The following ERCC6 variants were observed in gnomAD, a reference collection of about 807,000 sequenced individuals.
ERCC6 encodes the protein DNA excision repair protein ERCC-6.
In ERCC6, 116 loss-of-function variants were observed where a neutral mutation model predicts 158.7. That is an observed-to-expected ratio of 0.73 (90% confidence interval 0.63 to 0.85). The LOEUF (loss-of-function observed/expected upper bound fraction) is 0.85, where lower values mean the gene tolerates loss of function less well. ERCC6 is among the 40% of genes least tolerant of loss of function. The pLI, the probability that ERCC6 is intolerant of heterozygous loss-of-function variation, is 0.00. For synonymous variants in ERCC6, 678 were observed against 659.3 expected, an observed-to-expected ratio of 1.03 and a Z score of -0.43; for missense variants, 1,698 against 1,799.4, an observed-to-expected ratio of 0.94 and a Z score of 1.02.
Position 49,528,465 on chromosome 10 carries a change from C to A in ERCC6, c.604G>T (p.Ala202Ser), listed in dbSNP as rs1324973327. Residue 202 changes from alanine (A) to serine (S), a missense_variant, in exon 4 of 21, where the codon GCA (alanine) becomes TCA (serine). Physicochemically the swap from Ala to Ser is moderately conservative, Grantham distance 99 (BLOSUM62 1). Coordinates refer to ENST00000355832, the MANE Select transcript of ERCC6 (RefSeq NM_000124.4). ...QKHLQAILGG[A>S]EVKIELDHAS... ...TGATCTAGTTCAATTTTCACCTCTG[C>A]TCCTCCAAGGATGGCCTGGAGATGC... 6.2e-7 allele frequency: 1 copy of A among 1,614,210 alleles called. No homozygotes were observed.
chr10:49,486,520 C>G (rs1022590448), intron 8 of ERCC6, among the ~76,000 whole-genome samples: 2 of 152,132 alleles, frequency 1.3e-5, no homozygotes, highest in Non-Finnish European at 2.9e-5. Context: ...AAACAAACCT[C>G]TGAAAAGTGA....
the ERCC6 span, among the ~76,000 whole-genome samples, chr10:49,443,321 C>T: frequency 4.6e-5 from 7 of 152,134 alleles, no homozygotes; most frequent in South Asian, 4.1e-4. Flanking sequence ...AAAAAGTACA[C>T]GCAAAAAAAC....
rs183460859 is a variant in ERCC6 at position 49,523,939 on chromosome 10, T to C, written c.1397+94A>G. ...TCTGTATAATCGGGGGGGTCTAATA[T>C]ATTAAGCTGGATCTAGAATGCTTAC... On this transcript the variant is annotated intron_variant, in intron 5 of 20. Transcript: ENST00000355832. 4.9e-5 allele frequency: 76 copies of C among 1,561,764 alleles called. No homozygotes were observed. The Admixed American group carries it at 1.1e-3, about 22-fold the overall frequency.
At chr10:49,448,183 T>A in the ERCC6 span, among the ~76,000 whole-genome samples, 1 of 152,228 alleles carries the variant, frequency 6.6e-6, no homozygotes, top group Admixed American at 6.5e-5. Flanking sequence ...CTTATCCATG[T>A]CCTTGTCAAC....
chr10:49,532,762 C>G lies in ERCC6; in HGVS notation c.203G>C (p.Arg68Thr), dbSNP rs1340348389. 1.2e-6 allele frequency: 2 copies of G among 1,614,134 alleles called. No homozygotes were observed. The highest frequency in any genetic ancestry group is 1.7e-6 in the Non-Finnish European group (2 of 1,180,050). ...AVGCASAAPR[R>T]GPALLHIDRH... ...GTCGATGTGCAGCAGGGCTGGCCCTCTCCTCGGAGCTGCTGATGCGCACCC... is the reference window on the plus strand; with the variant it reads ...GTCGATGTGCAGCAGGGCTGGCCCTGTCCTCGGAGCTGCTGATGCGCACCC... Residue 68 changes from arginine (R) to threonine (T), a missense_variant, in exon 2 of 21, where the codon AGA (arginine) becomes ACA (threonine). Coordinates refer to ENST00000355832, the MANE Select transcript of ERCC6 (RefSeq NM_000124.4).
Position 49,469,305 on chromosome 10 carries a change from T to C in ERCC6, c.3778+877A>G, listed in dbSNP as rs572405307. On this transcript the variant is annotated intron_variant, in intron 18 of 20. Transcript: ENST00000355832. Reference sequence around the variant, plus strand: ...ATCTTAAAAATCAACTTGTAATAGGTCAAACCAGCATGTGTCTCCTGATAG... The same window carrying C: ...ATCTTAAAAATCAACTTGTAATAGGCCAAACCAGCATGTGTCTCCTGATAG... Among the ~76,000 whole-genome samples, 6 of 152,246 alleles carry C rather than the reference T, an allele frequency of 3.9e-5. No individual in the cohort carries two copies. The East Asian group carries it at 1.2e-3, about 29-fold the overall frequency.
At chr10:49,487,672 A>G (rs1215612402) in intron 8 of ERCC6, among the ~76,000 whole-genome samples, 1 of 152,170 alleles carries the variant, frequency 6.6e-6, no homozygotes, top group Non-Finnish European at 1.5e-5. Flanking sequence ...ACAGTTACCA[A>G]ATGAGACACC....
rs1383939616 is a variant in ERCC6 at position 49,455,151 on chromosome 10, G to GACTC, written c.*3660_*3663dup. 6.6e-6 allele frequency among the ~76,000 whole-genome samples: 1 copy of GACTC among 152,042 alleles called. No individual in the cohort carries two copies. The highest frequency in any genetic ancestry group is 1.9e-4 in the East Asian group (1 of 5,190). ...CTCCATATTTTTATGTAAGTTAAAA[G>GACTC]ACTCACAACCAAAACTAAAAATCTA... On this transcript the variant is annotated 3_prime_UTR_variant, in exon 21 of 21. Transcript: ENST00000355832.
chr10:49,467,273 A>G (rs1243727421), intron 18 of ERCC6, among the ~76,000 whole-genome samples: 1 of 152,212 alleles, frequency 6.6e-6, no homozygotes, highest in Non-Finnish European at 1.5e-5. Context: ...GCTATATCAC[A>G]AGGAAAGCGC....
intron 4 of ERCC6, 60 bp downstream of exon 4, chr10:49,528,357 T>G (rs926261266): frequency 1.4e-5 from 22 of 1,587,840 alleles, no homozygotes; most frequent in Middle Eastern, 3.3e-4. Flanking sequence ...CACCCTCCAC[T>G]GACTACAGGC....
At chr10:49,461,952 T>C (rs763065346) in intron 18 of ERCC6, among the ~76,000 whole-genome samples, 33 of 152,178 alleles carry the variant, frequency 2.2e-4, no homozygotes, top group Non-Finnish European at 4.4e-4. Context: ...TGCATTTGAG[T>C]AGAATGACTC....
At chr10:49,473,424 T>TC in intron 14 of ERCC6, 53 bp downstream of exon 14, 2 of 1,167,876 alleles carry the variant, frequency 1.7e-6, no homozygotes, top group Non-Finnish European at 2.6e-6. Context: ...CTTAGTCCTT[T>TC]CCCTCCACGT....
chr10:49,515,320 G>A, intron 5 of ERCC6: 1 of 1,593,074 alleles, frequency 6.3e-7, no homozygotes. Context: ...ATCTCAGGAG[G>A]TGGTGACACC....
chr10:49,505,784 C>T, intron 6 of ERCC6, 100 bp downstream of exon 6: 1 of 1,421,290 alleles, frequency 7.0e-7, no homozygotes, highest in Non-Finnish European at 9.8e-7. Flanking sequence ...GCTGCAAGTA[C>T]CTTCAGGGCC....
intron 2 of ERCC6, among the ~76,000 whole-genome samples, chr10:49,532,081 G>A (rs905739795): frequency 6.6e-6 from 1 of 152,222 alleles, no homozygotes; most frequent in Non-Finnish European, 1.5e-5. Flanking sequence ...AAACCGGGGA[G>A]TCTTTATTAT....
intron 9 of ERCC6, 81 bp from the exon 10 acceptor site, chr10:49,482,944 AATT>A: frequency 7.1e-7 from 1 of 1,409,928 alleles, no homozygotes; most frequent in African/African-American, 1.4e-5. Context: ...CTCCTCTGCA[AATT>A]ATTTACACAT....
chr10:49,533,941 C>G (rs1009602885), intron 1 of ERCC6, among the ~76,000 whole-genome samples: 1 of 151,976 alleles, frequency 6.6e-6, no homozygotes, highest in Non-Finnish European at 1.5e-5. Context: ...TGAGACCAGC[C>G]TGGCAAACAT....
chr10:49,508,042 T>C (rs1020152484), intron 5 of ERCC6, among the ~76,000 whole-genome samples: 7 of 152,172 alleles, frequency 4.6e-5, no homozygotes. Flanking sequence ...GTTTACATAA[T>C]GAGAGAGTCC....
At chr10:49,450,013 C>T (rs1005625514), downstream of ERCC6, among the ~76,000 whole-genome samples, 115 of 152,140 alleles carry the variant, frequency 7.6e-4, no homozygotes, top group African/African-American at 2.6e-3. Context: ...GCTGGGACTA[C>T]AGATGCACAT....
Sources: allele counts gnomAD v4.1 joint callset (sites outside exome capture counted in the v4.1 genomes callset), GRCh38; gene constraint gnomAD v4.1.1; transcripts MANE v1.5; gene names NCBI Gene and HGNC (gene_info 2026-07-23, HGNC 2026-07-21).